CNN3: variants seen among roughly 807,000 people sequenced by gnomAD.
The protein encoded by CNN3 is calponin 3.
A neutral mutation model predicts 39.0 loss-of-function variants in CNN3; 11 were observed. The ratio of observed to expected loss-of-function variants is 0.28; its 90% CI spans 0.18 to 0.47. The LOEUF is 0.47. CNN3 is among the 20% of genes least tolerant of loss of function. The pLI is 0.99. For missense variants in CNN3, 266 were observed against 403.4 expected, an observed-to-expected ratio of 0.66 and a Z score of 2.92; for synonymous variants, 101 against 138.3, an observed-to-expected ratio of 0.73 and a Z score of 1.89.
intron 1 of CNN3, among the ~76,000 whole-genome samples, chr1:94,923,390 C>G (rs1254078170): frequency 6.6e-6 from 1 of 152,142 alleles, no homozygotes; most frequent in Non-Finnish European, 1.5e-5. Flanking sequence ...GGCCCTTTTA[C>G]TCTCTGATAG....
At chr1:94,915,837 G>C (rs983841118) in intron 1 of CNN3, among the ~76,000 whole-genome samples, 1 of 152,116 alleles carries the variant, frequency 6.6e-6, no homozygotes, top group Non-Finnish European at 1.5e-5. Context: ...AGCATAATAA[G>C]GTCAGGAGCA....
chr1:94,903,108 G>A lies in CNN3; in HGVS notation c.246+14C>T. On this transcript the variant is annotated intron_variant, in intron 3 of 6. Coordinates refer to ENST00000370206, the MANE Select transcript of CNN3 (RefSeq NM_001839.5). ...CAACCAACTAGAACCAGAGGTGGTT[G>A]GTTTGGCTGTTACCTGAGGCCAGTT... is the stretch of plus-strand genomic sequence containing the variant. 6.5e-7 allele frequency: 1 copy of A among 1,537,012 alleles called. No individual in the cohort carries two copies. Among genetic ancestry groups the A allele is most frequent in the Non-Finnish European group, 8.8e-7 (1 of 1,136,664 alleles).
Position 94,898,741 on chromosome 1 carries a change from C to T in CNN3, c.648+630G>A, listed in dbSNP as rs181820847. On this transcript the variant is annotated intron_variant, in intron 6 of 6. Coordinates refer to ENST00000370206, the MANE Select transcript of CNN3 (RefSeq NM_001839.5). ...CAGCTATGAGAGACATAATGCCGCACCCGGTAGGATGTGTTCCATAAGGGC... is the reference window on the plus strand; with the variant it reads ...CAGCTATGAGAGACATAATGCCGCATCCGGTAGGATGTGTTCCATAAGGGC... Among the ~76,000 whole-genome samples the T allele has an allele frequency of 1.8e-3, 270 of 152,252 alleles. 2 individuals carry two copies. The highest frequency in any genetic ancestry group is 6.2e-3 in the African/African-American group (258 of 41,548).
intron 1 of CNN3, among the ~76,000 whole-genome samples, chr1:94,909,300 C>T (rs1369161174): frequency 6.6e-6 from 1 of 152,126 alleles, no homozygotes; most frequent in Non-Finnish European, 1.5e-5. Context: ...ACTTGGGACC[C>T]TCCAAAGCTC....
chr1:94,906,285 T>C (rs879774001), intron 1 of CNN3, among the ~76,000 whole-genome samples: 13 of 152,156 alleles, frequency 8.5e-5, no homozygotes, highest in Non-Finnish European at 8.8e-5. Flanking sequence ...GTCCAGCCGA[T>C]AGACACGTTT....
At chr1:94,909,996 A>G (rs1176209004) in intron 1 of CNN3, among the ~76,000 whole-genome samples, 1 of 152,168 alleles carries the variant, frequency 6.6e-6, no homozygotes, top group Non-Finnish European at 1.5e-5. Flanking sequence ...TGTTTTTCAC[A>G]TGGATTCCTT....
intron 1 of CNN3, among the ~76,000 whole-genome samples, chr1:94,925,996 T>C (rs1671566919): frequency 6.6e-6 from 1 of 151,954 alleles, no homozygotes; most frequent in Non-Finnish European, 1.5e-5. Flanking sequence ...AAGATAAACC[T>C]AACGCATTCT....
At chr1:94,923,338 A>C (rs1438503274) in intron 1 of CNN3, among the ~76,000 whole-genome samples, 4 of 152,126 alleles carry the variant, frequency 2.6e-5, no homozygotes, top group Non-Finnish European at 4.4e-5. Context: ...GAGTGTTTCC[A>C]TCCTCCACCG....
At chr1:94,910,418 C>G (rs559170225) in intron 1 of CNN3, among the ~76,000 whole-genome samples, 13 of 152,114 alleles carry the variant, frequency 8.5e-5, no homozygotes, top group Non-Finnish European at 1.3e-4. Context: ...AAAGAGAGAA[C>G]AATGGGGGCT....
intron 1 of CNN3, among the ~76,000 whole-genome samples, chr1:94,914,555 G>A (rs906095119): frequency 1.3e-5 from 2 of 152,124 alleles, no homozygotes; most frequent in African/African-American, 4.8e-5. Context: ...GGTTATTATT[G>A]GGACAAGGCA....
At chr1:94,925,514 T>G in intron 1 of CNN3, 1 of 776,842 alleles carries the variant, frequency 1.3e-6, no homozygotes, top group Non-Finnish European at 1.6e-6. Flanking sequence ...ACATTTCAAC[T>G]TTAGATACAT....
intron 1 of CNN3, among the ~76,000 whole-genome samples, chr1:94,904,665 T>G (rs1449172750): frequency 6.6e-6 from 1 of 152,040 alleles, no homozygotes; most frequent in Non-Finnish European, 1.5e-5. Context: ...GAAGATCACT[T>G]GAGCCCACGA....
chr1:94,922,829 A>G (rs568920968), intron 1 of CNN3, among the ~76,000 whole-genome samples: 2 of 152,362 alleles, frequency 1.3e-5, no homozygotes, highest in South Asian at 4.1e-4. Flanking sequence ...GATTTTGGTA[A>G]TAAGCCTTTC....
intron 1 of CNN3, among the ~76,000 whole-genome samples, chr1:94,921,020 G>C (rs1291187375): frequency 6.6e-6 from 1 of 152,188 alleles, no homozygotes; most frequent in Non-Finnish European, 1.5e-5. Flanking sequence ...CTACAGGAGG[G>C]TAATGCCTAG....
chr1:94,926,762 A>G lies in CNN3; in HGVS notation c.57+76T>C. 1 of 1,492,392 alleles carries G rather than the reference A, an allele frequency of 6.7e-7. No homozygotes were observed. Among genetic ancestry groups the G allele is most frequent in the South Asian group, 1.2e-5 (1 of 84,276 alleles). The allele number at this position is 1,492,392 out of a possible 1,614,324, so 92.4% of individuals were successfully genotyped here. On this transcript the variant is annotated intron_variant, in intron 1 of 6. Coordinates refer to ENST00000370206, the MANE Select transcript of CNN3 (RefSeq NM_001839.5). The surrounding 1 kb of genome is among the most constrained non-coding windows in gnomAD (Gnocchi z 4.2). ...AACGGTGAGCCACAGCGCGAAGAGC[A>G]AACGAAGCACGGCCCAGCGCCAGGC... is the stretch of plus-strand genomic sequence containing the variant.
intron 1 of CNN3, among the ~76,000 whole-genome samples, chr1:94,910,042 C>T (rs1671118989): frequency 6.6e-6 from 1 of 152,142 alleles, no homozygotes; most frequent in African/African-American, 2.4e-5. Flanking sequence ...CTTGTTCAAA[C>T]CTGGAAGCAG....
chr1:94,900,321 A>T lies in CNN3; in HGVS notation c.502-804T>A, dbSNP rs1005330093. 7.0e-4 allele frequency among the ~76,000 whole-genome samples: 106 copies of T among 152,244 alleles called. 1 individual carries two copies. The highest frequency in any genetic ancestry group is 2.5e-3 in the African/African-American group (103 of 41,476). On this transcript the variant is annotated intron_variant, in intron 5 of 6. Transcript: ENST00000370206. ...GGGGAAAAATCATTGTGATACCACC[A>T]TCCATTCACTGTCAACATTTGTGAA...
chr1:94,907,803 T>G (rs560387915), intron 1 of CNN3, among the ~76,000 whole-genome samples: 6 of 152,264 alleles, frequency 3.9e-5, no homozygotes, highest in South Asian at 2.1e-4. Context: ...GGGCTTGCAG[T>G]GAGCTGAGAT....
In CNN3 at chr1:94,926,452, G is replaced by A. The variant is rs1015161587; in HGVS notation, c.57+386C>T. ...GCAGCGGCTCGCCGGGTCCCTGGCC[G>A]CGCAGACGGGCTCCGCCTAAGGGCG... On this transcript the variant is annotated intron_variant, in intron 1 of 6. Coordinates refer to ENST00000370206, the MANE Select transcript of CNN3 (RefSeq NM_001839.5). This position sits in a 1 kb window ranked among gnomAD's most constrained non-coding sequence, Gnocchi z 4.2. 1.3e-5 allele frequency among the ~76,000 whole-genome samples: 2 copies of A among 152,174 alleles called. No homozygotes were observed. The highest frequency in any genetic ancestry group is 2.9e-5 in the Non-Finnish European group (2 of 68,024).
Sources: allele counts gnomAD v4.1 joint callset (sites outside exome capture counted in the v4.1 genomes callset), GRCh38; gene constraint gnomAD v4.1.1; non-coding constraint Gnocchi (gnomAD v3.1); transcripts MANE v1.5; gene names NCBI Gene and HGNC (gene_info 2026-07-23, HGNC 2026-07-21).